The following NRG1 variants were observed in gnomAD, a reference collection of about 807,000 sequenced individuals.
NRG1 encodes neuregulin 1.
NRG1 carries 18 observed loss-of-function variants against 63.8 expected under a neutral mutation model. The ratio of observed to expected loss-of-function variants is 0.28; its 90% CI spans 0.19 to 0.42. The LOEUF (loss-of-function observed/expected upper bound fraction) is 0.42. Ranked by LOEUF, NRG1 falls within the 10% of genes least tolerant of loss-of-function variation. The pLI is 1.00. For missense variants in NRG1, 762 were observed against 814.7 expected, an observed-to-expected ratio of 0.94 and a Z score of 0.79; for synonymous variants, 302 against 301.3, an observed-to-expected ratio of 1.00 and a Z score of -0.02.
At chr8:31,913,563 C>T (rs1402279747) in intron 1 of NRG1, among the ~76,000 whole-genome samples, 1 of 152,056 alleles carries the variant, frequency 6.6e-6, no homozygotes, top group African/African-American at 2.4e-5. Context: ...CAGGGTTAAA[C>T]AGAAGTTACA....
At chr8:32,470,420 G>A (rs1029276567) in intron 1 of NRG1, among the ~76,000 whole-genome samples, 8 of 151,292 alleles carry the variant, frequency 5.3e-5, no homozygotes, top group Non-Finnish European at 7.4e-5. Context: ...TAGCCAGGAT[G>A]GTCTCCGTCT....
chr8:32,548,803 C>T, exon 1 of NRG1: 1 of 1,578,410 alleles, frequency 6.3e-7, no homozygotes, highest in Non-Finnish European at 8.6e-7. Flanking sequence ...AAGCCGGAGT[C>T]CGCGGCGGGC....
rs1474606138 is a variant in NRG1, at chr8:32,548,334, G to C, written c.-393G>C. 3 of 1,001,816 alleles carry C rather than the reference G, an allele frequency of 3.0e-6. No individual in the cohort carries two copies. The East Asian group carries it at 3.1e-4, about 102-fold the overall frequency. 62.1% of individuals were successfully genotyped at this position (1,001,816 alleles called of 1,614,324 possible). A position where few individuals can be genotyped will look rare whatever the true frequency, so the allele number is the denominator to read the frequency against. On this transcript the variant is annotated 5_prime_UTR_variant, in exon 1 of 12. Coordinates refer to ENST00000356819, the Ensembl canonical transcript of NRG1. ...CGAAACTTGTTGGAACTCCGGGCTC[G>C]CGCGGAGGCCAGGAGCTGAGCGGCG...
chr8:31,930,272 A>G (rs1375595072), intron 1 of NRG1, among the ~76,000 whole-genome samples: 7 of 152,314 alleles, frequency 4.6e-5, no homozygotes, highest in African/African-American at 1.7e-4. Context: ...TTTAAAATGT[A>G]TTATCTATTG....
At chr8:32,654,912 G>A (rs1589011414) in intron 5 of NRG1, among the ~76,000 whole-genome samples, 1 of 152,068 alleles carries the variant, frequency 6.6e-6, no homozygotes, top group South Asian at 2.1e-4. Flanking sequence ...TTGTCTCAGG[G>A]TGTTAGCTTT....
intron 1 of NRG1, among the ~76,000 whole-genome samples, chr8:32,487,215 C>T (rs114384625): frequency 0.013 from 1,912 of 149,684 alleles, 45 homozygotes; most frequent in African/African-American, 0.044. Context: ...AAAAAAACCA[C>T]AAAAAACAAA....
intron 1 of NRG1, among the ~76,000 whole-genome samples, chr8:32,349,938 C>T (rs369769113): frequency 1.1e-3 from 166 of 152,158 alleles, no homozygotes; most frequent in South Asian, 2.3e-3. Flanking sequence ...ATGGATGTGA[C>T]GGGCAGGTCA....
At chr8:32,154,200 A>T (rs2131848551) in intron 1 of NRG1, among the ~76,000 whole-genome samples, 1 of 152,254 alleles carries the variant, frequency 6.6e-6, no homozygotes, top group East Asian at 1.9e-4. Flanking sequence ...ACCTATCTCT[A>T]GGCCATATTG....
At chr8:31,954,580 T>C (rs1360340377) in intron 1 of NRG1, among the ~76,000 whole-genome samples, 1 of 152,214 alleles carries the variant, frequency 6.6e-6, no homozygotes, top group Non-Finnish European at 1.5e-5. Context: ...TGGGTAACTG[T>C]TCCTTTAATT....
At chr8:32,492,942 C>T (rs1826773379) in intron 1 of NRG1, among the ~76,000 whole-genome samples, 1 of 151,950 alleles carries the variant, frequency 6.6e-6, no homozygotes, top group Admixed American at 6.6e-5. Context: ...TTTCTGAAAC[C>T]ATAGTGTCAT....
At chr8:32,097,178 ATTCT>A (rs1308233925) in intron 1 of NRG1, among the ~76,000 whole-genome samples, 1 of 152,148 alleles carries the variant, frequency 6.6e-6, no homozygotes, top group Non-Finnish European at 1.5e-5. Flanking sequence ...ACAGGATTTC[ATTCT>A]TTCTTGTGGC....
chr8:32,613,869 A>G (rs1846827092), intron 3 of NRG1, among the ~76,000 whole-genome samples: 1 of 152,120 alleles, frequency 6.6e-6, no homozygotes. Context: ...AAACAAGTTG[A>G]AAGTTTGAAT....
At chr8:32,490,185 G>C (rs1826381696) in intron 1 of NRG1, among the ~76,000 whole-genome samples, 1 of 152,154 alleles carries the variant, frequency 6.6e-6, no homozygotes, top group East Asian at 1.9e-4. Context: ...TATGCCTGTA[G>C]TTCTAGCTAC....
chr8:31,781,908 T>A (rs1215892177), intron 1 of NRG1, among the ~76,000 whole-genome samples: 1 of 152,022 alleles, frequency 6.6e-6, no homozygotes, highest in Non-Finnish European at 1.5e-5. Flanking sequence ...GCCTCAGAAA[T>A]CTTTTTCTCT....
At chr8:32,577,348 G>A (rs1203503574) in intron 1 of NRG1, among the ~76,000 whole-genome samples, 5 of 152,262 alleles carry the variant, frequency 3.3e-5, no homozygotes, top group Admixed American at 6.5e-5. Flanking sequence ...ACTTGCTCAA[G>A]TGACTTATGT....
downstream of NRG1, among the ~76,000 whole-genome samples, chr8:32,769,115 T>C (rs763311059): frequency 6.6e-6 from 1 of 152,340 alleles, no homozygotes; most frequent in Admixed American, 6.5e-5. Context: ...ACTTGCTCTA[T>C]AGTCATTTAG....
chr8:32,131,360 C>T (rs1167102639), intron 1 of NRG1, among the ~76,000 whole-genome samples: 3 of 151,984 alleles, frequency 2.0e-5, no homozygotes, highest in Non-Finnish European at 4.4e-5. Flanking sequence ...ATGTTCTGCT[C>T]ATACTAAAGC....
At chr8:31,991,006 C>T (rs1810967834) in intron 1 of NRG1, among the ~76,000 whole-genome samples, 1 of 152,026 alleles carries the variant, frequency 6.6e-6, no homozygotes, top group African/African-American at 2.4e-5. Flanking sequence ...AAAGTTGTTA[C>T]TTTAAAAAAT....
intron 1 of NRG1, among the ~76,000 whole-genome samples, chr8:31,690,511 G>A (rs1040474497): frequency 5.3e-5 from 8 of 152,176 alleles, no homozygotes; most frequent in Admixed American, 1.3e-4. Flanking sequence ...GCAGGAGAGC[G>A]TGTGCAGACG....
Sources: gnomAD v4.1 joint callset for allele counts (sites outside exome capture counted in the v4.1 genomes callset) on GRCh38, gnomAD v4.1.1 for gene constraint, MANE v1.5 for transcripts, NCBI Gene and HGNC (gene_info 2026-07-23, HGNC 2026-07-21) for gene names.